The following HDHD5 variants were observed in gnomAD, a reference collection of about 807,000 sequenced individuals.
HDHD5 encodes the protein haloacid dehalogenase-like hydrolase domain-containing 5.
In HDHD5, 34 loss-of-function variants were observed where a neutral mutation model predicts 35.5. The observed-to-expected ratio is 0.96, with a 90% CI of 0.73 to 1.28. The LOEUF (loss-of-function observed/expected upper bound fraction) is 1.28. HDHD5 is among the 50% of genes most tolerant of loss of function. The pLI, the probability that HDHD5 is intolerant of heterozygous loss-of-function variation, is 0.00. For missense variants in HDHD5, 589 were observed against 560.2 expected, an observed-to-expected ratio of 1.05 and a Z score of -0.52; for synonymous variants, 248 against 240.6, an observed-to-expected ratio of 1.03 and a Z score of -0.29.
intron 5 of HDHD5, chr22:17,141,513 A>C: frequency 7.9e-7 from 1 of 1,265,036 alleles, no homozygotes; most frequent in Non-Finnish European, 9.9e-7. Flanking sequence ...AGCATGTCTC[A>C]GGGCTACTTC....
chr22:17,155,655 C>A (rs897231508), intron 1 of HDHD5, among the ~76,000 whole-genome samples: 1 of 152,162 alleles, frequency 6.6e-6, no homozygotes, highest in African/African-American at 2.4e-5. Context: ...ATCACTCCAA[C>A]CCCTCCCCAA....
intron 1 of HDHD5, among the ~76,000 whole-genome samples, chr22:17,155,211 C>A (rs537403258): frequency 2.0e-4 from 30 of 151,260 alleles, no homozygotes; most frequent in African/African-American, 7.0e-4. Context: ...ATTGCCTAAA[C>A]AGTCACAAGA....
chr22:17,152,678 C>T (rs1379325007), intron 1 of HDHD5, among the ~76,000 whole-genome samples: 4 of 152,038 alleles, frequency 2.6e-5, no homozygotes, highest in African/African-American at 9.7e-5. Flanking sequence ...CCAGGAAGAA[C>T]AATACTACTT....
intron 6 of HDHD5, 120 bp from the exon 7 acceptor site, chr22:17,138,858 TG>T (rs1353818186): frequency 6.5e-6 from 7 of 1,077,658 alleles, no homozygotes; most frequent in African/African-American, 6.3e-5. Context: ...GGGTAAGAGC[TG>T]ACATGTAGCA....
chr22:17,158,921 C>T, intron 1 of HDHD5: 1 of 378,988 alleles, frequency 2.6e-6, no homozygotes, highest in Non-Finnish European at 4.3e-6. Context: ...GCGGGAGTAG[C>T]GTTTCCGAGG....
At chr22:17,157,015 T>C (rs1601403254) in intron 1 of HDHD5, among the ~76,000 whole-genome samples, 2 of 149,364 alleles carry the variant, frequency 1.3e-5, no homozygotes, top group South Asian at 2.1e-4. Context: ...GAGGCAGAGG[T>C]TGCAGTGGAC....
intron 5 of HDHD5, chr22:17,142,686 C>G (rs2061612428): frequency 6.1e-6 from 1 of 163,334 alleles, no homozygotes; most frequent in African/African-American, 2.4e-5. Context: ...CCCCCTATTA[C>G]AGTTAGGGCT....
intron 5 of HDHD5, 90 bp downstream of exon 5, chr22:17,143,008 A>T: frequency 6.9e-7 from 1 of 1,447,346 alleles, no homozygotes; most frequent in Non-Finnish European, 9.5e-7. Context: ...CTGCTGAACC[A>T]GGCTGCAGGC....
chr22:17,162,381 A>G (rs568840525), upstream of HDHD5, among the ~76,000 whole-genome samples: 4 of 152,338 alleles, frequency 2.6e-5, no homozygotes, highest in South Asian at 8.3e-4. Flanking sequence ...GGTGATCAGG[A>G]CTGTGTCATA....
intron 1 of HDHD5, among the ~76,000 whole-genome samples, chr22:17,153,536 AC>A (rs2061752118): frequency 6.6e-6 from 1 of 152,126 alleles, no homozygotes; most frequent in African/African-American, 2.4e-5. Context: ...AAGAAATCTC[AC>A]TAGAATGGGG....
intron 6 of HDHD5, among the ~76,000 whole-genome samples, chr22:17,140,009 G>A (rs2061582104): frequency 6.6e-6 from 1 of 152,120 alleles, no homozygotes; most frequent in African/African-American, 2.4e-5. Flanking sequence ...CAGCATACCC[G>A]CCTCTAGGAA....
intron 5 of HDHD5, chr22:17,141,732 G>A (rs550751005): frequency 2.3e-6 from 1 of 443,132 alleles, no homozygotes; most frequent in Admixed American, 6.4e-5. Context: ...TCTTCTCTAA[G>A]CCTCAGTTTC....
At chr22:17,160,657 A>T (rs66504506), upstream of HDHD5, among the ~76,000 whole-genome samples, 109 of 143,342 alleles carry the variant, frequency 7.6e-4, 1 homozygote, top group Admixed American at 1.9e-3. Flanking sequence ...TTGAAAAAAA[A>T]AAAAATAATA....
In HDHD5 at chr22:17,137,738, C is replaced by G. The variant is rs2061549752; in HGVS notation, c.*283G>C. 2.5e-6 allele frequency: 1 copy of G among 405,148 alleles called. No homozygotes were observed. Among genetic ancestry groups the G allele is most frequent in the Non-Finnish European group, 4.5e-6 (1 of 221,722 alleles). 25.1% of individuals were successfully genotyped at this position (405,148 alleles called of 1,614,324 possible). On this transcript the variant is annotated 3_prime_UTR_variant, in exon 8 of 8. Transcript: ENST00000336737. ...AGTCCCTACTGAAATGAGAAGGACA[C>G]TGAGGCACACAGGGGAAGAGAATGG...
Position 17,138,598 on chromosome 22 carries a change from G to A in HDHD5, c.887C>T (p.Ala296Val), listed in dbSNP as rs770984387. The change falls in exon 7 of 8, where the codon GCG (alanine) becomes GTG (valine). Residue 296 changes from alanine to valine, a missense_variant. Ala to Val is a moderately conservative substitution (Grantham distance 64). Transcript: ENST00000336737. ...GGGGGCGGCCCAGCCCCGCCTCTCC[G>A]CCTGTCGCCTGATCAGGTCCTCGGC... ...QYAEDLIRRQAERRGWAAPIR... is the reference protein window; with the variant it reads ...QYAEDLIRRQVERRGWAAPIR... 91 of 1,614,070 alleles carry A rather than the reference G, an allele frequency of 5.6e-5. No individual in the cohort carries two copies. Among genetic ancestry groups the A allele is most frequent in the Middle Eastern group, 1.6e-4 (1 of 6,084 alleles).
chr22:17,163,774 C>T (rs1486096896), upstream of HDHD5, among the ~76,000 whole-genome samples: 2 of 152,190 alleles, frequency 1.3e-5, no homozygotes, highest in Non-Finnish European at 2.9e-5. Flanking sequence ...GGTAGCAGAA[C>T]AGAAGATACA....
rs74538525 is a variant in HDHD5, at chr22:17,152,903, C to A, written c.127-3158G>T. ...CCATGTTAGCTTGTACATGAGCCCT[C>A]CAAGCTTGGACAATGACAGCTACAG... On this transcript the variant is annotated intron_variant, in intron 1 of 7. Transcript: ENST00000336737. 5.4e-3 allele frequency among the ~76,000 whole-genome samples: 825 copies of A among 152,064 alleles called. 3 individuals are homozygous for A. The highest frequency in any genetic ancestry group is 0.024 in the Middle Eastern group (7 of 294).
chr22:17,145,872 C>T (rs958870738), intron 3 of HDHD5, among the ~76,000 whole-genome samples: 1 of 151,986 alleles, frequency 6.6e-6, no homozygotes, highest in Non-Finnish European at 1.5e-5. Context: ...AAAGGATGAA[C>T]CCAAATCATC....
At position 17,137,847 on chromosome 22, in the gene HDHD5, G is replaced by T; in HGVS notation, c.*174C>A. 1 of 599,250 alleles carries T rather than the reference G, an allele frequency of 1.7e-6. No homozygotes were observed. The highest frequency in any genetic ancestry group is 2.9e-6 in the Non-Finnish European group (1 of 341,022). 37.1% of individuals were successfully genotyped at this position (599,250 alleles called of 1,614,324 possible). On this transcript the variant is annotated 3_prime_UTR_variant, in exon 8 of 8. Transcript: ENST00000336737. ...TTCCATACAAAATGCTACCCAGCAG[G>T]GAAAAAGAGTCACTGTCTTCTTCCA...
Sources: allele counts gnomAD v4.1 joint callset (sites outside exome capture counted in the v4.1 genomes callset), GRCh38; gene constraint gnomAD v4.1.1; transcripts MANE v1.5; gene names NCBI Gene and HGNC (gene_info 2026-07-23, HGNC 2026-07-21).